Variants in FANCA observed in about 807,000 individuals in gnomAD.
The protein encoded by FANCA is FA complementation group A.
FANCA carries 236 observed loss-of-function variants against 194.3 expected under a neutral mutation model. The ratio of observed to expected loss-of-function variants is 1.21; its 90% confidence interval spans 1.09 to 1.35. FANCA has a LOEUF of 1.35. FANCA is among the 40% of genes most tolerant of loss of function. The pLI, the probability that FANCA is intolerant of heterozygous loss-of-function variation, is 0.00. For synonymous variants in FANCA, 1,014 were observed against 715.8 expected (o/e 1.42, Z -6.65); for missense variants, 2,628 against 1,813.9 (o/e 1.45, Z -8.15).
chr16:89,797,404 C>G (rs2040285976), intron 10 of FANCA, among the ~76,000 whole-genome samples: 1 of 152,128 alleles, frequency 6.6e-6, no homozygotes, highest in Non-Finnish European at 1.5e-5. Context: ...GTCACACACC[C>G]AACGAGGCCA....
chr16:89,775,076 C>G (rs1774050748), intron 21 of FANCA, among the ~76,000 whole-genome samples: 1 of 151,502 alleles, frequency 6.6e-6, no homozygotes, highest in South Asian at 2.1e-4. Context: ...AGCCACAGAG[C>G]GAGACTCTGT....
intron 14 of FANCA, among the ~76,000 whole-genome samples, chr16:89,789,797 TAA>T (rs1277730427): frequency 5.9e-5 from 9 of 152,102 alleles, no homozygotes; most frequent in Admixed American, 2.6e-4. Context: ...TCACAAGCAC[TAA>T]AAGAGAAACC....
chr16:89,797,338 TAAAG>T (rs946467262), intron 10 of FANCA, among the ~76,000 whole-genome samples: 18 of 149,834 alleles, frequency 1.2e-4, no homozygotes, highest in Non-Finnish European at 2.1e-4. Flanking sequence ...CTCAAAAAAA[TAAAG>T]AAAGAAAGAA....
chr16:89,754,089 G>C (rs2038689082), intron 30 of FANCA, among the ~76,000 whole-genome samples: 1 of 151,908 alleles, frequency 6.6e-6, no homozygotes, highest in Non-Finnish European at 1.5e-5. Flanking sequence ...GGGCATGGTG[G>C]CGGGTGCCTG....
At position 89,758,644 on chromosome 16, in the gene FANCA, C is replaced by G; in HGVS notation, c.2914G>C (p.Gly972Arg). 1 of 1,614,028 alleles carries G rather than the reference C, an allele frequency of 6.2e-7. No individual in the cohort carries two copies. Among genetic ancestry groups the G allele is most frequent in the Non-Finnish European group, 8.5e-7 (1 of 1,179,930 alleles). Reference sequence around the variant, plus strand: ...GCAGCCTGCAGGTCTCCGTCACAGCCCCCTGAAGCCGAGGACTCAGGGAGA... The same window carrying G: ...GCAGCCTGCAGGTCTCCGTCACAGCGCCCTGAAGCCGAGGACTCAGGGAGA... ...HFLPESSASGGCDGDLQAACT... is the reference protein window; with the variant it reads ...HFLPESSASGRCDGDLQAACT... The change falls in exon 30 of 43, where the codon GGC becomes CGC. Residue 972 changes from glycine to arginine, a missense_variant. Gly to Arg is a moderately radical substitution (Grantham distance 125). Transcript: ENST00000389301.
At position 89,748,772 on chromosome 16, in the gene FANCA, AAAG is replaced by A; in HGVS notation, c.3240-8_3240-6del. ...GAAGGCAGGCGGAGGAGGATCCTGG[AAAG>A]AAGGGGCTGTATTGGTGGCGACAGC... On this transcript the variant is annotated splice_polypyrimidine_tract_variant and splice_region_variant and intron_variant, in intron 32 of 42. Transcript: ENST00000389301. 6.2e-7 allele frequency: 1 copy of A among 1,612,980 alleles called. No homozygotes were observed. The highest frequency in any genetic ancestry group is 1.3e-5 in the African/African-American group (1 of 75,024).
At chr16:89,783,623 T>G (rs968850912) in intron 15 of FANCA, among the ~76,000 whole-genome samples, 1 of 150,924 alleles carries the variant, frequency 6.6e-6, no homozygotes, top group Non-Finnish European at 1.5e-5. Flanking sequence ...GAAACCCTAA[T>G]GTAGCTGGTC....
rs1026980481 is a variant in FANCA at position 89,802,472 on chromosome 16, G to C, written c.792+787C>G. 3.9e-5 allele frequency among the ~76,000 whole-genome samples: 6 copies of C among 152,160 alleles called. No individual in the cohort carries two copies. The East Asian group carries it at 9.6e-4, about 24-fold the overall frequency. ...GCTGGAATACAGTGACACGATCTGG[G>C]CTCACTGCAAGCTCCGCCTCCAGGT... On this transcript the variant is annotated intron_variant, in intron 8 of 42. Transcript: ENST00000389301.
At chr16:89,746,803 C>A in intron 34 of FANCA, 28 bp downstream of exon 34, 1 of 1,574,146 alleles carries the variant, frequency 6.4e-7, no homozygotes, top group Non-Finnish European at 8.6e-7. Flanking sequence ...CTGAGAAGGC[C>A]ACGAGAGGGG....
intron 12 of FANCA, 40 bp from the exon 13 acceptor site, chr16:89,792,108 A>T (rs1298114153): frequency 1.2e-6 from 2 of 1,613,698 alleles, no homozygotes; most frequent in South Asian, 2.2e-5. Context: ...ATCCAAGCAA[A>T]CCAATGTGCG....
At chr16:89,759,318 T>TAAAAAAAAAAAA (rs71137673) in intron 29 of FANCA, among the ~76,000 whole-genome samples, 12 of 75,200 alleles carry the variant, frequency 1.6e-4, no homozygotes, top group Admixed American at 4.9e-4. Context: ...AGACTCCGTC[T>TAAAAAAAAAAAA]AAAAAAAAAA....
In FANCA at chr16:89,795,969, G is replaced by C; in HGVS notation, c.943C>G (p.Pro315Ala). The C allele has an allele frequency of 6.2e-7, 1 of 1,614,174 alleles. No homozygotes were observed. Among genetic ancestry groups the C allele is most frequent in the Admixed American group, 1.7e-5 (1 of 60,018 alleles). Reference protein sequence around the residue: ...HTLGSVISTDPLKRFFSHTLT... With the variant: ...HTLGSVISTDALKRFFSHTLT... ...GTATGACTGAAGAACCTCTTCAGAG[G>C]ATCTGTGGAAATTACACTGCCAAGC... Residue 315 changes from proline (P) to alanine (A), a missense_variant, in exon 11 of 43, where the codon CCT (proline) becomes GCT (alanine). Transcript: ENST00000389301.
chr16:89,810,129 T>C (rs1049344523), intron 5 of FANCA, among the ~76,000 whole-genome samples: 1 of 152,046 alleles, frequency 6.6e-6, no homozygotes, highest in Non-Finnish European at 1.5e-5. Context: ...GAGACCATCC[T>C]GGCTAACACG....
rs578050384 is a variant in FANCA at position 89,740,924 on chromosome 16, A to G, written c.3766-58T>C. On this transcript the variant is annotated intron_variant, in intron 37 of 42. Coordinates refer to ENST00000389301, the MANE Select transcript of FANCA (RefSeq NM_000135.4). ...TAAAATTACCTGTGCTGTCATTCTAAATAAGGCTGACACATTCCTCTTTAA... is the reference window on the plus strand; with the variant it reads ...TAAAATTACCTGTGCTGTCATTCTAGATAAGGCTGACACATTCCTCTTTAA... 2.4e-5 allele frequency: 35 copies of G among 1,449,382 alleles called. No homozygotes were observed. The East Asian group carries it at 8.3e-4, about 34-fold the overall frequency. 89.8% of individuals were successfully genotyped at this position (1,449,382 alleles called of 1,614,324 possible). A position where few individuals can be genotyped will look rare whatever the true frequency, so the allele number is the denominator to read the frequency against.
chr16:89,767,891 G>A (rs1006423081), intron 26 of FANCA, among the ~76,000 whole-genome samples: 2 of 152,214 alleles, frequency 1.3e-5, no homozygotes, highest in East Asian at 3.9e-4. Flanking sequence ...TCCCCATGTT[G>A]GACAGGCTGG....
Position 89,771,751 on chromosome 16 carries a change from T to A in FANCA, c.2078A>T (p.Asp693Val). 1 of 1,614,108 alleles carries A rather than the reference T, an allele frequency of 6.2e-7. No homozygotes were observed. The highest frequency in any genetic ancestry group is 8.5e-7 in the Non-Finnish European group (1 of 1,180,022). ...RLRAVLGHNE[D>V]DSSVEISKIQ... is the part of the protein sequence containing the mutation. ...CTTTGATATCTCAACGCTGCTGTCA[T>A]CCTCATTGTGGCCCAGGACAGCCCT... The change falls in exon 23 of 43, where the codon GAT becomes GTT. Residue 693 changes from aspartate (D) to valine (V), a missense_variant. Physicochemically the swap from Asp to Val is radical, Grantham distance 152. Transcript: ENST00000389301.
intron 20 of FANCA, among the ~76,000 whole-genome samples, chr16:89,778,130 C>A (rs568037857): frequency 7.0e-6 from 1 of 142,110 alleles, no homozygotes; most frequent in Non-Finnish European, 1.5e-5. Context: ...CCACTGCACT[C>A]CAGCCTGGGC....
chr16:89,808,273 G>T (rs2040740254), intron 6 of FANCA, 21 bp downstream of exon 6: 2 of 1,610,842 alleles, frequency 1.2e-6, no homozygotes, highest in Non-Finnish European at 8.5e-7. Context: ...CAGTAACACT[G>T]AATCATCATT....
chr16:89,787,927 G>A (rs1299242076), intron 14 of FANCA, among the ~76,000 whole-genome samples: 1 of 151,804 alleles, frequency 6.6e-6, no homozygotes, highest in Non-Finnish European at 1.5e-5. Context: ...AGGCTGGAGT[G>A]CAGTGGTCTG....
Sources: allele counts gnomAD v4.1 joint callset (sites outside exome capture counted in the v4.1 genomes callset), GRCh38; gene constraint gnomAD v4.1.1; transcripts MANE v1.5; gene names NCBI Gene and HGNC (gene_info 2026-07-23, HGNC 2026-07-21).